RBFOX1: variants seen among roughly 807,000 people sequenced by gnomAD.
RBFOX1 encodes the protein RNA binding protein fox-1 homolog 1.
A neutral mutation model predicts 57.7 loss-of-function variants in RBFOX1; 8 were observed. The ratio of observed to expected loss-of-function variants is 0.14; its 90% CI spans 0.08 to 0.25. RBFOX1 has a LOEUF of 0.25. Ranked by LOEUF, RBFOX1 falls within the 10% of genes least tolerant of loss-of-function variation. RBFOX1 has a pLI of 1.00. For synonymous variants in RBFOX1, 326 were observed against 222.4 expected (o/e 1.47, Z -4.15); for missense variants, 611 against 548.5 (o/e 1.11, Z -1.14).
chr16:6,944,221 C>T (rs1034959931), intron 3 of RBFOX1, among the ~76,000 whole-genome samples: 1 of 151,808 alleles, frequency 6.6e-6, no homozygotes, highest in African/African-American at 2.4e-5. Flanking sequence ...ACAGTGAAAC[C>T]CTTTCTCTAC....
intron 1 of RBFOX1, among the ~76,000 whole-genome samples, chr16:5,241,212 C>A (rs778000487): frequency 2.0e-5 from 3 of 152,184 alleles, no homozygotes; most frequent in Non-Finnish European, 4.4e-5. Context: ...AGGCTTGCTC[C>A]TGGTGACATC....
chr16:5,709,809 TTATATATATATATA>T (rs1184777172), intron 3 of RBFOX1, among the ~76,000 whole-genome samples: 18 of 14,428 alleles, frequency 1.2e-3, no homozygotes, highest in Admixed American at 2.7e-3. Context: ...ATCAGTTTCT[TTATATATATATATA>T]TATATATATA....
chr16:6,914,154 A>T (rs184968474), intron 3 of RBFOX1, among the ~76,000 whole-genome samples: 1 of 152,358 alleles, frequency 6.6e-6, no homozygotes, highest in Admixed American at 6.5e-5. Context: ...GAACATAATG[A>T]GTGCATTTCT....
At chr16:7,316,124 G>A (rs1020947833) in intron 4 of RBFOX1, among the ~76,000 whole-genome samples, 21 of 152,094 alleles carry the variant, frequency 1.4e-4, no homozygotes, top group African/African-American at 4.8e-4. Context: ...ATCATGCAGC[G>A]TGCCAAGAAG....
chr16:6,571,154 C>T (rs2097339332), intron 2 of RBFOX1, among the ~76,000 whole-genome samples: 4 of 152,108 alleles, frequency 2.6e-5, no homozygotes, highest in South Asian at 2.1e-4. Context: ...GGCATATAGC[C>T]CGTAATTTGT....
At chr16:7,308,297 GT>G (rs34533950) in intron 4 of RBFOX1, among the ~76,000 whole-genome samples, 2,527 of 144,606 alleles carry the variant, frequency 0.017, 72 homozygotes, top group African/African-American at 0.061. Flanking sequence ...ACCCAGAGCT[GT>G]TTTTTTTTTT....
intron 4 of RBFOX1, among the ~76,000 whole-genome samples, chr16:5,895,663 C>T (rs1256229472): frequency 6.6e-6 from 1 of 152,088 alleles, no homozygotes; most frequent in Non-Finnish European, 1.5e-5. Flanking sequence ...GTGGGTAAGT[C>T]AATTTAACTC....
At chr16:6,400,910 A>AT (rs2093043394) in intron 2 of RBFOX1, among the ~76,000 whole-genome samples, 2 of 152,328 alleles carry the variant, frequency 1.3e-5, no homozygotes, top group South Asian at 4.1e-4. Context: ...CAAAATCAGC[A>AT]TTGATAGTAC....
intron 10 of RBFOX1, among the ~76,000 whole-genome samples, chr16:7,617,706 G>A (rs527675709): frequency 6.6e-6 from 1 of 152,152 alleles, no homozygotes; most frequent in South Asian, 2.1e-4. Context: ...TAGACACTGT[G>A]CTAGGTGCCG....
At chr16:6,852,298 G>C (rs956853625) in intron 3 of RBFOX1, among the ~76,000 whole-genome samples, 6 of 152,166 alleles carry the variant, frequency 3.9e-5, no homozygotes, top group East Asian at 1.9e-4. Context: ...GTGCCTCTGC[G>C]TCTTTCTTTT....
chr16:6,339,962 C>G (rs866236385), intron 2 of RBFOX1, among the ~76,000 whole-genome samples: 1 of 152,110 alleles, frequency 6.6e-6, no homozygotes, highest in South Asian at 2.1e-4. Context: ...CAGGCATGAG[C>G]CACCGTGCCC....
chr16:7,120,116 A>C (rs2066783797), intron 4 of RBFOX1, among the ~76,000 whole-genome samples: 1 of 152,154 alleles, frequency 6.6e-6, no homozygotes, highest in African/African-American at 2.4e-5. Context: ...TTCAAAGAGG[A>C]AGTCTCAAGG....
At chr16:6,134,851 TTTTA>T (rs1411241624) in intron 1 of RBFOX1, among the ~76,000 whole-genome samples, 1 of 152,094 alleles carries the variant, frequency 6.6e-6, no homozygotes, top group African/African-American at 2.4e-5. Context: ...GCCATTTTTT[TTTTA>T]TTATTATACT....
chr16:6,622,380 A>C (rs1014835700), intron 2 of RBFOX1, among the ~76,000 whole-genome samples: 3 of 152,150 alleles, frequency 2.0e-5, no homozygotes, highest in African/African-American at 7.2e-5. Flanking sequence ...TTAGATACGT[A>C]GTACTTACCT....
intron 3 of RBFOX1, among the ~76,000 whole-genome samples, chr16:5,665,783 G>C (rs1389257466): frequency 6.6e-6 from 1 of 152,190 alleles, no homozygotes; most frequent in African/African-American, 2.4e-5. Flanking sequence ...AGGGGGTTCG[G>C]GCACAGTCGT....
Position 7,498,308 on chromosome 16 carries a change from A to G in RBFOX1, c.28-19839A>G, listed in dbSNP as rs1347954795. On this transcript the variant is annotated intron_variant, in intron 4 of 15. Coordinates refer to ENST00000550418, the MANE Select transcript of RBFOX1 (RefSeq NM_018723.4). ...TTCAAATTTAAATAGTCTAAGTTCA[A>G]TCTTAGCTCTATTAATGAACTAGCT... 3.3e-5 allele frequency among the ~76,000 whole-genome samples: 5 copies of G among 152,218 alleles called. No individual in the cohort carries two copies. In the East Asian group the frequency reaches 7.7e-4, roughly 24 times the overall value.
At chr16:6,304,876 CAA>C (rs58680911) in intron 1 of RBFOX1, among the ~76,000 whole-genome samples, 89 of 79,634 alleles carry the variant, frequency 1.1e-3, no homozygotes, top group East Asian at 4.7e-3. Context: ...GACCCTGTCT[CAA>C]AAAAAAAAAA....
intron 3 of RBFOX1, among the ~76,000 whole-genome samples, chr16:6,702,678 C>G (rs2062040110): frequency 6.6e-6 from 1 of 152,162 alleles, no homozygotes; most frequent in South Asian, 2.1e-4. Flanking sequence ...AATAATTGCT[C>G]AATAAAATCC....
intron 4 of RBFOX1, among the ~76,000 whole-genome samples, chr16:7,100,179 G>T (rs2062431549): frequency 6.6e-6 from 1 of 152,028 alleles, no homozygotes; most frequent in Non-Finnish European, 1.5e-5. Flanking sequence ...AATTGAAGTT[G>T]AAAGGAATTT....
Sources: allele counts gnomAD v4.1 joint callset (sites outside exome capture counted in the v4.1 genomes callset), GRCh38; gene constraint gnomAD v4.1.1; transcripts MANE v1.5; gene names NCBI Gene and HGNC (gene_info 2026-07-23, HGNC 2026-07-21).